GRM7: variants seen among roughly 807,000 people sequenced by gnomAD.
GRM7 encodes glutamate metabotropic receptor 7.
A neutral mutation model predicts 84.5 loss-of-function variants in GRM7; 35 were observed. The ratio of observed to expected loss-of-function variants is 0.41; its 90% CI spans 0.32 to 0.55. The LOEUF is 0.55. GRM7 is among the 20% of genes least tolerant of loss of function. The pLI is 0.19. For missense variants in GRM7, 1,003 were observed against 1,194.6 expected (o/e 0.84, Z 2.36); for synonymous variants, 487 against 455.1 (o/e 1.07, Z -0.89).
At chr3:7,693,598 T>A (rs1700897651) in intron 9 of GRM7, 1 of 1,373,152 alleles carries the variant, frequency 7.3e-7, no homozygotes, top group Admixed American at 2.0e-5. Context: ...TTTGCCAAAG[T>A]CCAGACTGAG....
chr3:7,321,881 ATCAT>A (rs1479288029), intron 4 of GRM7, among the ~76,000 whole-genome samples: 1 of 152,120 alleles, frequency 6.6e-6, no homozygotes, highest in Non-Finnish European at 1.5e-5. Context: ...AACTATCGAC[ATCAT>A]TCATGCAGAT....
At chr3:7,379,795 G>C (rs2125128264) in intron 4 of GRM7, among the ~76,000 whole-genome samples, 1 of 152,132 alleles carries the variant, frequency 6.6e-6, no homozygotes, top group Admixed American at 6.5e-5. Flanking sequence ...CTACATCCTT[G>C]CTTGGCTCCT....
At chr3:7,729,070 T>C (rs1252865126) in intron 9 of GRM7, among the ~76,000 whole-genome samples, 1 of 148,876 alleles carries the variant, frequency 6.7e-6, no homozygotes, top group Non-Finnish European at 1.5e-5. Context: ...CCCCATAGTT[T>C]TGGGGATTCC....
At chr3:7,432,281 C>G (rs1317597464) in intron 5 of GRM7, among the ~76,000 whole-genome samples, 1 of 152,136 alleles carries the variant, frequency 6.6e-6, no homozygotes, top group Non-Finnish European at 1.5e-5. Context: ...CCAGTGTAAA[C>G]AAACATAATA....
chr3:7,487,129 C>G, intron 7 of GRM7, among the ~76,000 whole-genome samples: 1 of 152,022 alleles, frequency 6.6e-6, no homozygotes, highest in East Asian at 1.9e-4. Context: ...GAAGGCAGAA[C>G]GTAAGAGTGA....
At chr3:7,055,528 C>T (rs1395298580) in intron 1 of GRM7, among the ~76,000 whole-genome samples, 1 of 139,528 alleles carries the variant, frequency 7.2e-6, no homozygotes, top group African/African-American at 3.2e-5. Flanking sequence ...TATATACATA[C>T]ACACACATTT....
Position 7,452,797 on chromosome 3 carries a change from T to C in GRM7, c.1365T>C (p.Val455=), listed in dbSNP as rs750120625. 2 of 1,606,236 alleles carry C rather than the reference T, an allele frequency of 1.2e-6. No individual in the cohort carries two copies. Among genetic ancestry groups the C allele is most frequent in the Admixed American group, 1.7e-5 (1 of 59,798 alleles). Residue 455 remains valine, a synonymous_variant, in exon 6 of 10, where the codon GTT becomes GTC. Coordinates refer to ENST00000357716, the MANE Select transcript of GRM7 (RefSeq NM_000844.4). ...AGTTGCTGAAGTATATACGCAATGTTAATTTCAATGGTGAGTCTCCAAAAA... is the reference window on the plus strand; with the variant it reads ...AGTTGCTGAAGTATATACGCAATGTCAATTTCAATGGTGAGTCTCCAAAAA... ...GKKLLKYIRN[V]NFNGSAGTPV... is the part of the protein sequence containing the mutation.
rs559744487 is a variant in GRM7 at position 7,068,529 on chromosome 3, T to A, written c.520-77923T>A. Reference sequence around the variant, plus strand: ...GAACCGGTTTTGATTTTAAACTCTATCTTGAGCATGCTGTGTACAACATTG... The same window carrying A: ...GAACCGGTTTTGATTTTAAACTCTAACTTGAGCATGCTGTGTACAACATTG... On this transcript the variant is annotated intron_variant, in intron 1 of 9. Transcript: ENST00000357716. Among the ~76,000 whole-genome samples the A allele has an allele frequency of 3.9e-5, 6 of 152,156 alleles. No homozygotes were observed. The East Asian group carries it at 1.2e-3, about 30-fold the overall frequency.
chr3:7,263,311 G>A (rs1002617428), intron 2 of GRM7, among the ~76,000 whole-genome samples: 2 of 152,256 alleles, frequency 1.3e-5, no homozygotes, highest in Non-Finnish European at 1.5e-5. Flanking sequence ...AGAGGGAGAG[G>A]TGCAACAGGA....
chr3:7,466,545 G>A (rs1392670017), intron 7 of GRM7, among the ~76,000 whole-genome samples: 1 of 152,156 alleles, frequency 6.6e-6, no homozygotes, highest in Non-Finnish European at 1.5e-5. Context: ...AACCATGATG[G>A]TTACTTTGTC....
intron 1 of GRM7, among the ~76,000 whole-genome samples, chr3:7,140,932 C>A (rs956181782): frequency 6.6e-6 from 1 of 151,830 alleles, no homozygotes; most frequent in African/African-American, 2.4e-5. Flanking sequence ...TAAAAGTGTC[C>A]TTCTAAATCT....
intron 1 of GRM7, among the ~76,000 whole-genome samples, chr3:6,903,995 T>G (rs1485957874): frequency 6.6e-6 from 1 of 152,140 alleles, no homozygotes; most frequent in African/African-American, 2.4e-5. Context: ...TTGTAGGTGT[T>G]CGTTTATGTT....
At chr3:7,735,388 G>A (rs2106530001) in intron 9 of GRM7, among the ~76,000 whole-genome samples, 1 of 73,444 alleles carries the variant, frequency 1.4e-5, no homozygotes, top group East Asian at 2.7e-4. Context: ...CTAAAAAGGG[G>A]AGCAGGAGAG....
At chr3:7,339,422 G>A (rs1701551656) in intron 4 of GRM7, among the ~76,000 whole-genome samples, 1 of 152,066 alleles carries the variant, frequency 6.6e-6, no homozygotes, top group Non-Finnish European at 1.5e-5. Context: ...CCGTTGCAAT[G>A]GGCATCCTAT....
chr3:7,291,489 GCTCT>G lies in GRM7; in HGVS notation c.737-7133_737-7130del, dbSNP rs71063301. On this transcript the variant is annotated intron_variant, in intron 2 of 9. Coordinates refer to ENST00000357716, the MANE Select transcript of GRM7 (RefSeq NM_000844.4). ...CAGGGTTAGAGGAAAAGTCATGCCA[GCTCT>G]CTCTCTCTCTCTCTCTCTCTCTCTC... is the stretch of plus-strand genomic sequence containing the variant. 1.2e-3 allele frequency among the ~76,000 whole-genome samples: 130 copies of G among 109,548 alleles called. 2 individuals are homozygous for G. Among genetic ancestry groups the G allele is most frequent in the South Asian group, 3.5e-3 (9 of 2,578 alleles). 71.9% of individuals were successfully genotyped at this position (109,548 alleles called of 152,430 possible). A position where few individuals can be genotyped will look rare whatever the true frequency, so the allele number is the denominator to read the frequency against.
intron 2 of GRM7, among the ~76,000 whole-genome samples, chr3:7,272,562 T>C (rs1221593636): frequency 6.6e-6 from 1 of 152,188 alleles, no homozygotes; most frequent in Non-Finnish European, 1.5e-5. Flanking sequence ...CCATTTCTTC[T>C]TGTGGGAGTT....
At chr3:6,946,311 C>T (rs1358246991) in intron 1 of GRM7, among the ~76,000 whole-genome samples, 1 of 152,024 alleles carries the variant, frequency 6.6e-6, no homozygotes, top group Non-Finnish European at 1.5e-5. Flanking sequence ...ATTTATTAAA[C>T]AGGGAATCCT....
chr3:7,738,481 C>A (rs1050748913), intron 9 of GRM7, among the ~76,000 whole-genome samples: 4 of 152,066 alleles, frequency 2.6e-5, no homozygotes, highest in African/African-American at 7.2e-5. Flanking sequence ...TTAAACATAA[C>A]CTCATCGTGA....
chr3:7,603,414 C>G (rs1487663707), intron 8 of GRM7, among the ~76,000 whole-genome samples: 1 of 152,080 alleles, frequency 6.6e-6, no homozygotes, highest in East Asian at 1.9e-4. Flanking sequence ...CAGATTTCTA[C>G]TGTTTTATGA....
Sources: gnomAD v4.1 joint callset for allele counts (sites outside exome capture counted in the v4.1 genomes callset) on GRCh38, gnomAD v4.1.1 for gene constraint, MANE v1.5 for transcripts, NCBI Gene and HGNC (gene_info 2026-07-23, HGNC 2026-07-21) for gene names.